Variants in MARK1 observed in about 807,000 individuals in gnomAD.
MARK1 encodes the protein serine/threonine-protein kinase MARK1.
A neutral mutation model predicts 96.3 loss-of-function variants in MARK1; 40 were observed. The ratio of observed to expected loss-of-function variants is 0.42; its 90% CI spans 0.32 to 0.54. The LOEUF (loss-of-function observed/expected upper bound fraction) is 0.54. Ranked by LOEUF, MARK1 falls within the 20% of genes least tolerant of loss-of-function variation. The probability of loss-of-function intolerance (pLI) is 0.16; values close to 1 mark genes in which losing one functional copy is unlikely to be tolerated. For missense variants in MARK1, 719 were observed against 984.6 expected, an observed-to-expected ratio of 0.73 and a Z score of 3.61; for synonymous variants, 317 against 341.2, an observed-to-expected ratio of 0.93 and a Z score of 0.78.
chr1:220,638,117 A>ATTTTTT (rs35224257), intron 13 of MARK1, among the ~76,000 whole-genome samples: 1 of 140,598 alleles, frequency 7.1e-6, no homozygotes. Flanking sequence ...TGGGGCTTAA[A>ATTTTTT]TTTTTTTTTT....
rs748098661 is a variant in MARK1 at position 220,650,711 on chromosome 1, A to G, written c.1562A>G (p.Lys521Arg). The part of the protein sequence containing the change: ...TDRYVALQNG[K>R]DSSLTEMSVS... ...CGATACGTAGCATTGCAGAATGGAA[A>G]AGACAGCAGGTAAATGCCACAGTGC... The change falls in exon 14 of 18, where the codon AAA (lysine) becomes AGA (arginine). Residue 521 changes from lysine (K) to arginine (R), a missense_variant. Transcript: ENST00000366917. 4 of 1,612,708 alleles carry G rather than the reference A, an allele frequency of 2.5e-6. No individual in the cohort carries two copies. Among genetic ancestry groups the G allele is most frequent in the South Asian group, 1.1e-5 (1 of 90,978 alleles).
intron 1 of MARK1, among the ~76,000 whole-genome samples, chr1:220,540,741 G>T (rs994010190): frequency 6.6e-6 from 1 of 151,680 alleles, no homozygotes; most frequent in Non-Finnish European, 1.5e-5. Context: ...TTAGTCAAAG[G>T]TTTGTCAAAT....
intron 16 of MARK1, among the ~76,000 whole-genome samples, chr1:220,656,093 A>G (rs1366643493): frequency 6.6e-6 from 1 of 152,200 alleles, no homozygotes; most frequent in Non-Finnish European, 1.5e-5. Flanking sequence ...TGTTCAGTTG[A>G]GTATATATTG....
chr1:220,652,097 T>C lies in MARK1; in HGVS notation c.1683T>C (p.Pro561=). The C allele has an allele frequency of 6.2e-7, 1 of 1,613,628 alleles. No individual in the cohort carries two copies. Among genetic ancestry groups the C allele is most frequent in the East Asian group, 2.2e-5 (1 of 44,854 alleles). The change falls in exon 15 of 18, where the codon CCT becomes CCC. Residue 561 remains proline (P), a synonymous_variant. Transcript: ENST00000366917. ...HQKSMSTSGH[P]IKVTLPTIKD... ...AGTCCATGTCCACTTCTGGTCATCC[T>C]ATTAAAGTCACACTGCCAACCATTA... is the stretch of plus-strand genomic sequence containing the variant.
At chr1:220,653,933 A>G (rs1359471624) in intron 16 of MARK1, among the ~76,000 whole-genome samples, 1 of 152,248 alleles carries the variant, frequency 6.6e-6, no homozygotes, top group Non-Finnish European at 1.5e-5. Flanking sequence ...CTTACTATGC[A>G]TACGTGTACA....
At chr1:220,658,669 G>A (rs1000163236) in intron 17 of MARK1, among the ~76,000 whole-genome samples, 2 of 152,186 alleles carry the variant, frequency 1.3e-5, no homozygotes, top group Non-Finnish European at 2.9e-5. Flanking sequence ...ATTCAGGAAC[G>A]ATTGTGACCA....
At chr1:220,657,035 TTGG>T (rs902874946) in intron 16 of MARK1, among the ~76,000 whole-genome samples, 1 of 152,198 alleles carries the variant, frequency 6.6e-6, no homozygotes, top group Non-Finnish European at 1.5e-5. Context: ...AGGATTCAAG[TTGG>T]TGATTTTTCC....
intron 14 of MARK1, among the ~76,000 whole-genome samples, chr1:220,651,551 G>A (rs74898402): frequency 0.062 from 9,439 of 152,150 alleles, 1,029 homozygotes; most frequent in African/African-American, 0.21. Flanking sequence ...AAAGTGTTTT[G>A]ATGAATCTAG....
intron 1 of MARK1, among the ~76,000 whole-genome samples, chr1:220,570,894 C>T (rs1343536224): frequency 6.6e-6 from 1 of 152,140 alleles, no homozygotes; most frequent in Non-Finnish European, 1.5e-5. Context: ...TGGATTTATG[C>T]TGTGCATAGC....
At chr1:220,536,737 A>G (rs1012165240) in intron 1 of MARK1, among the ~76,000 whole-genome samples, 2 of 152,100 alleles carry the variant, frequency 1.3e-5, no homozygotes, top group African/African-American at 4.8e-5. Flanking sequence ...GCACACCACC[A>G]TGGCCGGCTA....
intron 1 of MARK1, among the ~76,000 whole-genome samples, chr1:220,544,777 G>T (rs535272583): frequency 6.6e-6 from 1 of 152,314 alleles, no homozygotes; most frequent in Admixed American, 6.5e-5. Flanking sequence ...TTAACTACCT[G>T]TAAAGTATAT....
At chr1:220,626,594 G>A (rs1667350728) in intron 9 of MARK1, 3 of 384,690 alleles carry the variant, frequency 7.8e-6, no homozygotes, top group Non-Finnish European at 1.5e-5. Flanking sequence ...GGCCCAGGCA[G>A]GAGAATCACT....
At chr1:220,608,478 A>C (rs1666231066) in intron 6 of MARK1, among the ~76,000 whole-genome samples, 1 of 151,570 alleles carries the variant, frequency 6.6e-6, no homozygotes, top group Admixed American at 6.6e-5. Context: ...CTGGTCTATC[A>C]ATTTTGTTGA....
chr1:220,536,070 G>A (rs1660660550), intron 1 of MARK1, among the ~76,000 whole-genome samples: 1 of 151,882 alleles, frequency 6.6e-6, no homozygotes, highest in Non-Finnish European at 1.5e-5. Flanking sequence ...CTTTGTTAGT[G>A]CATAGAAATG....
intron 17 of MARK1, 43 bp from the exon 18 acceptor site, chr1:220,661,769 G>T: frequency 1.4e-6 from 2 of 1,417,616 alleles, no homozygotes; most frequent in Non-Finnish European, 1.9e-6. Flanking sequence ...TTTGCTGAGT[G>T]AAATATTTGC....
At chr1:220,628,571 T>C (rs544346791) in intron 9 of MARK1, among the ~76,000 whole-genome samples, 1 of 152,106 alleles carries the variant, frequency 6.6e-6, no homozygotes, top group South Asian at 2.1e-4. Flanking sequence ...GCTGTGCGGG[T>C]TTTTCTTCTT....
At chr1:220,568,922 A>T (rs1663244804) in intron 1 of MARK1, among the ~76,000 whole-genome samples, 1 of 152,168 alleles carries the variant, frequency 6.6e-6, no homozygotes, top group African/African-American at 2.4e-5. Flanking sequence ...ACTAATTACT[A>T]GAAGTAAAAT....
At chr1:220,586,354 T>C (rs548944029) in intron 3 of MARK1, among the ~76,000 whole-genome samples, 15 of 152,210 alleles carry the variant, frequency 9.9e-5, no homozygotes, top group African/African-American at 3.6e-4. Context: ...TCTCCCCTCT[T>C]CCCTTAATTA....
At chr1:220,585,891 T>C (rs1664564115) in intron 3 of MARK1, among the ~76,000 whole-genome samples, 1 of 152,172 alleles carries the variant, frequency 6.6e-6, no homozygotes, top group African/African-American at 2.4e-5. Context: ...CTTTTGAAAA[T>C]GTCTGCTTTT....
Sources: allele counts gnomAD v4.1 joint callset (sites outside exome capture counted in the v4.1 genomes callset), GRCh38; gene constraint gnomAD v4.1.1; transcripts MANE v1.5; gene names NCBI Gene and HGNC (gene_info 2026-07-23, HGNC 2026-07-21).